Variants in PAX7 observed in about 807,000 individuals in gnomAD.
PAX7 encodes the protein paired box 7.
Under a neutral mutation model 50.7 loss-of-function variants are expected in PAX7, and 18 were observed. The observed-to-expected ratio is 0.36, with a 90% CI of 0.25 to 0.53. PAX7 has a LOEUF of 0.53. PAX7 is among the 20% of genes least tolerant of loss of function. PAX7 has a pLI of 0.93. For missense variants in PAX7, 644 were observed against 702.9 expected (o/e 0.92, Z 0.95); for synonymous variants, 310 against 290.4 (o/e 1.07, Z -0.69).
chr1:18,675,291 G>A (rs1266281361), intron 4 of PAX7, among the ~76,000 whole-genome samples: 3 of 151,788 alleles, frequency 2.0e-5, no homozygotes, highest in African/African-American at 4.8e-5. Context: ...GGCACGTGCC[G>A]ATCGCCTTGG....
chr1:18,699,288 G>A (rs373452708), intron 5 of PAX7, among the ~76,000 whole-genome samples: 73 of 152,244 alleles, frequency 4.8e-4, no homozygotes, highest in African/African-American at 1.6e-3. Flanking sequence ...ACAGGTAGGA[G>A]GCCCACCTGA....
intron 4 of PAX7, among the ~76,000 whole-genome samples, chr1:18,647,667 C>T (rs1010734241): frequency 6.6e-6 from 1 of 152,170 alleles, no homozygotes; most frequent in Non-Finnish European, 1.5e-5. Flanking sequence ...GCTATAATTA[C>T]GTAAAGTACA....
chr1:18,663,477 T>G (rs964804495), intron 4 of PAX7, among the ~76,000 whole-genome samples: 1 of 152,180 alleles, frequency 6.6e-6, no homozygotes, highest in African/African-American at 2.4e-5. Flanking sequence ...CTGCCTCCCA[T>G]GTTCAAACGA....
At chr1:18,725,690 G>A (rs775669361) in intron 7 of PAX7, among the ~76,000 whole-genome samples, 2 of 152,094 alleles carry the variant, frequency 1.3e-5, no homozygotes, top group Non-Finnish European at 2.9e-5. Context: ...TCCAGCGATC[G>A]GCCCCTTCCC....
At position 18,634,457 on chromosome 1, in the gene PAX7, C is replaced by T. The variant is rs182010284; in HGVS notation, c.240C>T (p.His80=). 55 of 1,614,202 alleles carry T rather than the reference C, an allele frequency of 3.4e-5. No homozygotes were observed. In the East Asian group the frequency reaches 4.0e-4, roughly 12 times the overall value. The change falls in exon 2 of 9, where the codon CAC becomes CAT. Residue 80 remains histidine (H), a synonymous_variant. Coordinates refer to ENST00000420770, the MANE Select transcript of PAX7 (RefSeq NM_001135254.2). This position sits in a 1 kb window ranked among gnomAD's most constrained non-coding sequence, Gnocchi z 4.0. The part of the protein sequence containing the change: ...CVISRQLRVS[H]GCVSKILCRY... ...TCTCCCGACAGCTGCGTGTCTCCCA[C>T]GGCTGCGTCTCCAAGATTCTTTGCC...
intron 4 of PAX7, among the ~76,000 whole-genome samples, chr1:18,663,340 G>A (rs1183550374): frequency 6.6e-6 from 1 of 152,178 alleles, no homozygotes; most frequent in Non-Finnish European, 1.5e-5. Flanking sequence ...CAGGTCTCCT[G>A]CTAGAAAGCA....
chr1:18,686,810 C>A (rs371244947), intron 4 of PAX7, among the ~76,000 whole-genome samples: 2 of 152,058 alleles, frequency 1.3e-5, no homozygotes, highest in African/African-American at 4.8e-5. Context: ...CCGTCATTGT[C>A]CTCATCATCA....
intron 4 of PAX7, among the ~76,000 whole-genome samples, chr1:18,643,348 G>A (rs1306060115): frequency 6.6e-6 from 1 of 152,154 alleles, no homozygotes; most frequent in Non-Finnish European, 1.5e-5. Flanking sequence ...CCGAGCTCCG[G>A]TGGAGACCAA....
chr1:18,708,738 C>T (rs1297606029), intron 7 of PAX7, among the ~76,000 whole-genome samples: 1 of 152,018 alleles, frequency 6.6e-6, no homozygotes, highest in East Asian at 1.9e-4. Flanking sequence ...GAACACAAGG[C>T]TGGCCCTTCA....
intron 4 of PAX7, among the ~76,000 whole-genome samples, chr1:18,688,934 TA>T (rs2089017329): frequency 6.6e-6 from 1 of 151,982 alleles, no homozygotes; most frequent in Non-Finnish European, 1.5e-5. Context: ...AAATAAAAAA[TA>T]AATAAGAAAG....
intron 4 of PAX7, among the ~76,000 whole-genome samples, chr1:18,672,617 T>TTTTTTTA (rs1570151878): frequency 1.4e-5 from 2 of 147,802 alleles, no homozygotes; most frequent in African/African-American, 2.6e-5. Context: ...TTTTTTTTTT[T>TTTTTTTA]GTGAGACTAA....
chr1:18,744,144 AG>A (rs1265108667), intron 8 of PAX7, among the ~76,000 whole-genome samples: 1 of 152,144 alleles, frequency 6.6e-6, no homozygotes, highest in Non-Finnish European at 1.5e-5. Context: ...CTCGCAGCAA[AG>A]GTCTTGCTTT....
intron 8 of PAX7, among the ~76,000 whole-genome samples, chr1:18,739,515 A>G (rs1389978225): frequency 6.6e-6 from 1 of 152,224 alleles, no homozygotes; most frequent in Non-Finnish European, 1.5e-5. Context: ...ATGCCACCCT[A>G]TGCAGTACAC....
At position 18,700,538 on chromosome 1, in the gene PAX7, GA is replaced by G; in HGVS notation, c.787-114del. The G allele has an allele frequency of 1.1e-6, 1 of 931,362 alleles. No homozygotes were observed. 57.7% of individuals were successfully genotyped at this position (931,362 alleles called of 1,614,324 possible). A position where few individuals can be genotyped will look rare whatever the true frequency, so the allele number is the denominator to read the frequency against. On this transcript the variant is annotated intron_variant, in intron 5 of 8. Transcript: ENST00000420770. This position sits in a 1 kb window ranked among gnomAD's most constrained non-coding sequence, Gnocchi z 4.8. ...TGCTGCACAATGCCGGGGCCTGCAG[GA>G]GGATGCTGGCTGGATCAGAGGGTGA...
At chr1:18,692,976 C>T (rs1033404591) in intron 5 of PAX7, among the ~76,000 whole-genome samples, 7 of 152,142 alleles carry the variant, frequency 4.6e-5, no homozygotes, top group African/African-American at 1.7e-4. Context: ...TTCCAGGAGG[C>T]CTACAGTTGT....
At chr1:18,715,203 G>A (rs1443705606) in intron 7 of PAX7, among the ~76,000 whole-genome samples, 2 of 152,068 alleles carry the variant, frequency 1.3e-5, no homozygotes, top group African/African-American at 4.8e-5. Context: ...AAGCCCACCC[G>A]TACTTCTTTT....
rs1186782004 is a variant in PAX7, at chr1:18,651,821, G to GC, written c.586+15458dup. Among the ~76,000 whole-genome samples the GC allele has an allele frequency of 6.2e-3, 120 of 19,264 alleles. 2 individuals are homozygous for GC. In the East Asian group the frequency reaches 0.076, roughly 12 times the overall value. 12.6% of individuals were successfully genotyped at this position (19,264 alleles called of 152,430 possible). ...CCACCCCTCCCCCTCTCCCCTCCCCGCCCCCCCCACCCCACCGCCTCTTCA... is the reference window on the plus strand; with the variant it reads ...CCACCCCTCCCCCTCTCCCCTCCCCGCCCCCCCCCACCCCACCGCCTCTTCA... On this transcript the variant is annotated intron_variant, in intron 4 of 8. Coordinates refer to ENST00000420770, the MANE Select transcript of PAX7 (RefSeq NM_001135254.2).
rs551284673 is a variant in PAX7, at chr1:18,722,306, G to A, written c.1156-13326G>A. Among the ~76,000 whole-genome samples, 11 of 152,062 alleles carry A rather than the reference G, an allele frequency of 7.2e-5. No individual in the cohort carries two copies. In the South Asian group the frequency reaches 1.2e-3, roughly 17 times the overall value. Reference sequence around the variant, plus strand: ...GCCCAACCCCTTCCCCATATAACCCGAGGCATCGCCTTTCCAGCCTGCATC... The same window carrying A: ...GCCCAACCCCTTCCCCATATAACCCAAGGCATCGCCTTTCCAGCCTGCATC... On this transcript the variant is annotated intron_variant, in intron 7 of 8. Coordinates refer to ENST00000420770, the MANE Select transcript of PAX7 (RefSeq NM_001135254.2).
chr1:18,727,974 G>C (rs974635517), intron 7 of PAX7, among the ~76,000 whole-genome samples: 3 of 152,148 alleles, frequency 2.0e-5, no homozygotes, highest in Non-Finnish European at 2.9e-5. Context: ...GGGGAAAGGA[G>C]GGGGAGGGTC....
Sources: allele counts gnomAD v4.1 joint callset (sites outside exome capture counted in the v4.1 genomes callset), GRCh38; gene constraint gnomAD v4.1.1; non-coding constraint Gnocchi (gnomAD v3.1); transcripts MANE v1.5; gene names NCBI Gene and HGNC (gene_info 2026-07-23, HGNC 2026-07-21).